Variants in WWOX observed in about 807,000 individuals in gnomAD.
The protein encoded by WWOX is WW domain containing oxidoreductase.
Under a neutral mutation model 46.2 loss-of-function variants are expected in WWOX, and 69 were observed. The ratio of observed to expected loss-of-function variants is 1.49; its 90% CI spans 1.23 to 1.82. The LOEUF (loss-of-function observed/expected upper bound fraction) is 1.82. Among genes scored for constraint, WWOX ranks in the 40% most tolerant of loss-of-function variants. The pLI, the probability that WWOX is intolerant of heterozygous loss-of-function variation, is 0.00. For missense variants in WWOX, 919 were observed against 542.6 expected, an observed-to-expected ratio of 1.69 and a Z score of -6.89; for synonymous variants, 359 against 202.6, an observed-to-expected ratio of 1.77 and a Z score of -6.56.
chr16:78,650,311 T>A (rs1041807988), intron 8 of WWOX, among the ~76,000 whole-genome samples: 28 of 152,228 alleles, frequency 1.8e-4, no homozygotes, highest in Admixed American at 1.0e-3. Flanking sequence ...TCTTTCAGAA[T>A]AACATACTGC....
chr16:78,983,385 T>C (rs2046720713), intron 8 of WWOX, among the ~76,000 whole-genome samples: 1 of 152,196 alleles, frequency 6.6e-6, no homozygotes, highest in African/African-American at 2.4e-5. Flanking sequence ...GCATTCTCCT[T>C]GGATAGGATG....
intron 8 of WWOX, among the ~76,000 whole-genome samples, chr16:78,511,126 C>G (rs556945098): frequency 2.6e-5 from 4 of 152,162 alleles, no homozygotes; most frequent in African/African-American, 7.2e-5. Context: ...CAGGTCCTCC[C>G]CTTTCTGATA....
intron 8 of WWOX, among the ~76,000 whole-genome samples, chr16:78,757,604 A>G (rs910232542): frequency 6.6e-6 from 1 of 152,200 alleles, no homozygotes; most frequent in African/African-American, 2.4e-5. Context: ...TGAAAGACGT[A>G]TGTAAAAACA....
chr16:79,154,062 C>A (rs928200587), intron 8 of WWOX, among the ~76,000 whole-genome samples: 1 of 152,192 alleles, frequency 6.6e-6, no homozygotes, highest in South Asian at 2.1e-4. Context: ...CTCCCTTTGG[C>A]CTCCATTCTA....
rs897985021 is a variant in WWOX at position 78,154,641 on chromosome 16, A to G, written c.410-9542A>G. Reference sequence around the variant, plus strand: ...CAAGGGAGCTTGCACCATGGGTTCAAGCTCCTGCAGATCCCTGAGCCTGCT... The same window carrying G: ...CAAGGGAGCTTGCACCATGGGTTCAGGCTCCTGCAGATCCCTGAGCCTGCT... On this transcript the variant is annotated intron_variant, in intron 4 of 8. Transcript: ENST00000566780. Among the ~76,000 whole-genome samples, 3 of 151,914 alleles carry G rather than the reference A, an allele frequency of 2.0e-5. No homozygotes were observed. The East Asian group carries it at 5.8e-4, about 29-fold the overall frequency.
chr16:78,499,566 C>G (rs12598561), intron 8 of WWOX, among the ~76,000 whole-genome samples: 1 of 152,220 alleles, frequency 6.6e-6, no homozygotes, highest in African/African-American at 2.4e-5. Context: ...GGGCGGTGGA[C>G]GGGCTTCCTG....
chr16:78,304,396 GC>G (rs2080095939), intron 5 of WWOX, among the ~76,000 whole-genome samples: 1 of 152,140 alleles, frequency 6.6e-6, no homozygotes, highest in African/African-American at 2.4e-5. Context: ...ACTTTTTCCA[GC>G]CATGCTGTTG....
intron 8 of WWOX, among the ~76,000 whole-genome samples, chr16:78,984,908 G>C (rs1406446916): frequency 6.6e-6 from 1 of 151,926 alleles, no homozygotes; most frequent in Non-Finnish European, 1.5e-5. Flanking sequence ...TCAGTTAATC[G>C]GCTCATCAAG....
At chr16:78,996,634 C>G (rs2046995506) in intron 8 of WWOX, among the ~76,000 whole-genome samples, 1 of 152,062 alleles carries the variant, frequency 6.6e-6, no homozygotes, top group African/African-American at 2.4e-5. Context: ...TATGTCCATT[C>G]AGGGAGACTC....
chr16:78,902,424 G>A (rs1015620267), intron 8 of WWOX, among the ~76,000 whole-genome samples: 7 of 152,244 alleles, frequency 4.6e-5, no homozygotes, highest in African/African-American at 1.2e-4. Context: ...ATCCAGCAGC[G>A]CCACGCGGGG....
rs55638553 is a variant in WWOX, at chr16:78,700,312, CAGAGAGAGAGAGAGAGAGAGAGAG to C, written c.1056+267586_1056+267609del. ...TCTTGCTGTGTCCTCACTTAGTAGA[CAGAGAGAGAGAGAGAGAGAGAGAG>C]AGAGAGAGAGAGAGAGAGAGAGAGA... On this transcript the variant is annotated intron_variant, in intron 8 of 8. Coordinates refer to ENST00000566780, the MANE Select transcript of WWOX (RefSeq NM_016373.4). Among the ~76,000 whole-genome samples, 487 of 130,554 alleles carry C rather than the reference CAGAGAGAGAGAGAGAGAGAGAGAG, an allele frequency of 3.7e-3. 1 individual carries two copies. The highest frequency in any genetic ancestry group is 0.013 in the African/African-American group (448 of 35,128). 85.6% of individuals were successfully genotyped at this position (130,554 alleles called of 152,430 possible).
chr16:78,951,009 C>T (rs959377981), intron 8 of WWOX, among the ~76,000 whole-genome samples: 5 of 152,196 alleles, frequency 3.3e-5, no homozygotes, highest in Non-Finnish European at 5.9e-5. Flanking sequence ...CTGTTAGCTT[C>T]ATCTCAGGCC....
intron 8 of WWOX, among the ~76,000 whole-genome samples, chr16:78,994,148 C>G (rs1326975389): frequency 5.9e-5 from 9 of 152,248 alleles, no homozygotes; most frequent in African/African-American, 1.9e-4. Context: ...GGAAATTAAT[C>G]AAAACCCCCT....
At chr16:78,228,467 G>C (rs1835851469) in intron 5 of WWOX, among the ~76,000 whole-genome samples, 1 of 150,550 alleles carries the variant, frequency 6.6e-6, no homozygotes. Flanking sequence ...TCAGCCTCCT[G>C]AGCAGCTGGG....
intron 8 of WWOX, among the ~76,000 whole-genome samples, chr16:79,067,701 G>C (rs549516770): frequency 1.2e-4 from 19 of 152,094 alleles, no homozygotes; most frequent in African/African-American, 4.1e-4. Context: ...GGTCTTTCCC[G>C]CAAGAAGGTA....
At chr16:78,397,542 C>T (rs1965921717) in intron 6 of WWOX, among the ~76,000 whole-genome samples, 1 of 152,200 alleles carries the variant, frequency 6.6e-6, no homozygotes, top group African/African-American at 2.4e-5. Flanking sequence ...ATCTCTTCTT[C>T]TGTTGAGCTC....
At chr16:78,948,156 G>A (rs1232403469) in intron 8 of WWOX, among the ~76,000 whole-genome samples, 1 of 152,182 alleles carries the variant, frequency 6.6e-6, no homozygotes, top group Non-Finnish European at 1.5e-5. Flanking sequence ...GAATGAGACA[G>A]GTAACACCTG....
intron 8 of WWOX, among the ~76,000 whole-genome samples, chr16:78,828,968 C>G (rs149812262): frequency 1.4e-4 from 21 of 152,222 alleles, no homozygotes; most frequent in African/African-American, 3.9e-4. Context: ...CAAAGCGACA[C>G]AGCCATGAAT....
intron 8 of WWOX, among the ~76,000 whole-genome samples, chr16:78,781,738 G>C: frequency 6.6e-6 from 1 of 152,094 alleles, no homozygotes; most frequent in East Asian, 1.9e-4. Flanking sequence ...TGGCACCCCT[G>C]CACTCCAGTC....
Sources: allele counts gnomAD v4.1 joint callset (sites outside exome capture counted in the v4.1 genomes callset), GRCh38; gene constraint gnomAD v4.1.1; transcripts MANE v1.5; gene names NCBI Gene and HGNC (gene_info 2026-07-23, HGNC 2026-07-21).